CWF19L1: variants seen among roughly 807,000 people sequenced by gnomAD.
CWF19L1 encodes the protein CWF19 like cell cycle control factor 1.
A neutral mutation model predicts 69.7 loss-of-function variants in CWF19L1; 60 were observed. The observed-to-expected ratio is 0.86, with a 90% confidence interval of 0.70 to 1.07. The LOEUF (loss-of-function observed/expected upper bound fraction) is 1.07, where lower values mean the gene tolerates loss of function less well. Among genes scored for constraint, CWF19L1 ranks in the 50% least tolerant of loss-of-function variants. The probability of loss-of-function intolerance (pLI) is 0.00; values close to 1 mark genes in which losing one functional copy is unlikely to be tolerated. For missense variants in CWF19L1, 591 were observed against 638.9 expected (o/e 0.92, Z 0.81); for synonymous variants, 209 against 222.2 (o/e 0.94, Z 0.53).
chr10:100,244,890 A>G (rs1846760313), intron 9 of CWF19L1, among the ~76,000 whole-genome samples: 1 of 151,424 alleles, frequency 6.6e-6, no homozygotes, highest in Non-Finnish European at 1.5e-5. Context: ...CCTGGCCTTA[A>G]GTGATCCACC....
chr10:100,233,230 G>C lies in CWF19L1; in HGVS notation c.1614C>G (p.Asp538Glu). 6.2e-7 allele frequency: 1 copy of C among 1,604,804 alleles called. No homozygotes were observed. The highest frequency in any genetic ancestry group is 1.1e-5 in the South Asian group (1 of 89,650). Reference sequence around the variant, plus strand: ...ATAAAAAGTTCTTCCCTTTGTTTTAGTCATCCAGAGTAAAGTCATAGGGCT... The same window carrying C: ...ATAAAAAGTTCTTCCCTTTGTTTTACTCATCCAGAGTAAAGTCATAGGGCT... ...DFEPYDFTLD[D>E] Residue 538 changes from aspartate to glutamate, a missense_variant, in exon 14 of 14, where the codon GAC becomes GAG. Physicochemically the swap from Asp to Glu is conservative, Grantham distance 45. This residue lies in a region of CWF19L1 where 458 missense variants were observed against 489.3 expected (regional missense o/e 0.94). Transcript: ENST00000354105.
chr10:100,265,786 G>T (rs1282161905), intron 1 of CWF19L1, among the ~76,000 whole-genome samples: 1 of 152,110 alleles, frequency 6.6e-6, no homozygotes, highest in Non-Finnish European at 1.5e-5. Context: ...CTCCCAAAGT[G>T]TTGGGATTAC....
chr10:100,238,258 ACAT>A, intron 10 of CWF19L1, 27 bp from the exon 11 acceptor site: 1 of 1,600,200 alleles, frequency 6.2e-7, no homozygotes, highest in South Asian at 1.1e-5. Context: ...CAGAATTGAG[ACAT>A]CAATACAGCA....
chr10:100,233,499 T>A, intron 13 of CWF19L1, 128 bp from the exon 14 acceptor site: 1 of 830,582 alleles, frequency 1.2e-6, no homozygotes, highest in Non-Finnish European at 1.8e-6. Context: ...TCTGCCATAC[T>A]ATTGATCAAA....
chr10:100,257,994 T>C (rs1026554060), intron 4 of CWF19L1, among the ~76,000 whole-genome samples: 1 of 152,002 alleles, frequency 6.6e-6, no homozygotes, highest in Admixed American at 6.6e-5. Context: ...TCCCAGAACT[T>C]TGGGAGGCTG....
chr10:100,236,988 G>A lies in CWF19L1; in HGVS notation c.1255-19C>T. 1 of 1,556,702 alleles carries A rather than the reference G, an allele frequency of 6.4e-7. No homozygotes were observed. The highest frequency in any genetic ancestry group is 1.2e-5 in the South Asian group (1 of 82,076). The stretch of plus-strand genomic sequence containing the variant: ...GAATGACCTGGGGGTTGGGGAGACA[G>A]GAGAAATTCCTTGTGCAGGTCCCAG... On this transcript the variant is annotated intron_variant, in intron 11 of 13. Transcript: ENST00000354105.
At chr10:100,256,642 T>G (rs985118800) in intron 4 of CWF19L1, among the ~76,000 whole-genome samples, 166 bp from the exon 5 acceptor site, 3 of 152,170 alleles carry the variant, frequency 2.0e-5, no homozygotes, top group African/African-American at 7.2e-5. Flanking sequence ...CAATGGTGAA[T>G]GGCTACAACA....
At position 100,256,164 on chromosome 10, in the gene CWF19L1, G is replaced by A. The variant is rs1421957565; in HGVS notation, c.504+98C>T. On this transcript the variant is annotated intron_variant, in intron 5 of 13. Coordinates refer to ENST00000354105, the MANE Select transcript of CWF19L1 (RefSeq NM_018294.6). ...AAGACTTCTAATAAAAGGTACCCAA[G>A]AGCTAAAATACTCAATATAAACAGG... 4.5e-6 allele frequency: 4 copies of A among 879,670 alleles called. No homozygotes were observed. In the African/African-American group the frequency reaches 6.8e-5, roughly 15 times the overall value. The allele number at this position is 879,670 out of a possible 1,614,324, so 54.5% of individuals were successfully genotyped here.
chr10:100,263,113 TTA>T (rs1356303989), intron 1 of CWF19L1, among the ~76,000 whole-genome samples: 1 of 152,094 alleles, frequency 6.6e-6, no homozygotes, highest in Non-Finnish European at 1.5e-5. Flanking sequence ...GAGAATACAT[TTA>T]TGTTTCCTCT....
At chr10:100,239,472 CT>C (rs1846568577) in intron 10 of CWF19L1, among the ~76,000 whole-genome samples, 1 of 152,166 alleles carries the variant, frequency 6.6e-6, no homozygotes, top group African/African-American at 2.4e-5. Flanking sequence ...AACCCCGTCT[CT>C]ACTAAAAATA....
intron 13 of CWF19L1, among the ~76,000 whole-genome samples, chr10:100,235,292 C>T (rs931985688): frequency 6.6e-6 from 1 of 152,186 alleles, no homozygotes; most frequent in African/African-American, 2.4e-5. Flanking sequence ...GTTCTTGGTA[C>T]AGTTCTTGGC....
intron 6 of CWF19L1, among the ~76,000 whole-genome samples, chr10:100,251,865 T>C (rs903601300): frequency 5.9e-5 from 9 of 152,180 alleles, no homozygotes. Context: ...TCTTAAGAAC[T>C]GTGTAAGTTT....
chr10:100,261,285 G>A lies in CWF19L1; in HGVS notation c.109-241C>T, dbSNP rs191985073. ...TTAGAGATGGGTAAGAGAGAGTCAA[G>A]GAACTAAACTTTTAAAGTAAGTTAG... On this transcript the variant is annotated intron_variant, in intron 2 of 13. Coordinates refer to ENST00000354105, the MANE Select transcript of CWF19L1 (RefSeq NM_018294.6). 6.6e-5 allele frequency among the ~76,000 whole-genome samples: 10 copies of A among 152,292 alleles called. No homozygotes were observed. The East Asian group carries it at 1.9e-3, about 29-fold the overall frequency.
chr10:100,260,617 G>A (rs1163743846), intron 3 of CWF19L1, among the ~76,000 whole-genome samples: 3 of 151,864 alleles, frequency 2.0e-5, no homozygotes, highest in Non-Finnish European at 2.9e-5. Flanking sequence ...CCGCCTCCCA[G>A]GTTCAAGCAA....
intron 6 of CWF19L1, among the ~76,000 whole-genome samples, chr10:100,252,559 G>A (rs558797424): frequency 3.9e-5 from 6 of 152,234 alleles, no homozygotes; most frequent in Non-Finnish European, 8.8e-5. Flanking sequence ...TCTTGGCTGG[G>A]CATGGTGGCT....
At chr10:100,255,762 CAA>C (rs11428759) in intron 5 of CWF19L1, among the ~76,000 whole-genome samples, 17 of 118,070 alleles carry the variant, frequency 1.4e-4, no homozygotes, top group Middle Eastern at 4.4e-3. Context: ...AACTCCATCT[CAA>C]AAAAAAAAAA....
At chr10:100,239,828 T>C (rs1846581436) in intron 10 of CWF19L1, among the ~76,000 whole-genome samples, 1 of 152,200 alleles carries the variant, frequency 6.6e-6, no homozygotes. Context: ...ATTGACAAAG[T>C]TAATTTTCCA....
chr10:100,236,472 C>T (rs1188582059), intron 12 of CWF19L1, among the ~76,000 whole-genome samples: 1 of 152,064 alleles, frequency 6.6e-6, no homozygotes, highest in Non-Finnish European at 1.5e-5. Context: ...ACCTTAGGCT[C>T]AACATGTCAA....
chr10:100,256,469 T>C lies in CWF19L1; in HGVS notation c.297A>G (p.Lys99=). 2 of 1,614,026 alleles carry C rather than the reference T, an allele frequency of 1.2e-6. No homozygotes were observed. Among genetic ancestry groups the C allele is most frequent in the Non-Finnish European group, 1.7e-6 (2 of 1,179,910 alleles). Residue 99 remains lysine, a synonymous_variant, in exon 5 of 14, where the codon AAA becomes AAG. Transcript: ENST00000354105. ...LAENITYLGR[K]GIFTGSSGLQ... is the part of the protein sequence containing the mutation. ...GCCCCGAGCTTCCAGTGAAGATACC[T>C]TTACGACCTGGGTTCAAAGAAAAAT...
Sources: gnomAD v4.1 joint callset for allele counts (sites outside exome capture counted in the v4.1 genomes callset) on GRCh38, gnomAD v4.1.1 for gene constraint, gnomAD v4.1.1 regional missense constraint, MANE v1.5 for transcripts, NCBI Gene and HGNC (gene_info 2026-07-23, HGNC 2026-07-21) for gene names.